Variants in CNTN5 observed in about 807,000 individuals in gnomAD.
CNTN5 encodes contactin-5.
Under a neutral mutation model 129.1 loss-of-function variants are expected in CNTN5, and 77 were observed. The ratio of observed to expected loss-of-function variants is 0.60; its 90% CI spans 0.50 to 0.72. The LOEUF (loss-of-function observed/expected upper bound fraction) is 0.72, where lower values mean the gene tolerates loss of function less well. Ranked by LOEUF, CNTN5 falls within the 30% of genes least tolerant of loss-of-function variation. The pLI, the probability that CNTN5 is intolerant of heterozygous loss-of-function variation, is 0.00. For synonymous variants in CNTN5, 509 were observed against 465.6 expected, an observed-to-expected ratio of 1.09 and a Z score of -1.20; for missense variants, 1,478 against 1,328.8, an observed-to-expected ratio of 1.11 and a Z score of -1.75.
chr11:100,328,838 A>C (rs1201321936), intron 21 of CNTN5, among the ~76,000 whole-genome samples: 2 of 152,236 alleles, frequency 1.3e-5, no homozygotes, highest in Non-Finnish European at 1.5e-5. Flanking sequence ...TCCTGCTCAG[A>C]TGGACAGAGC....
chr11:99,596,891 T>C (rs1565334062), intron 3 of CNTN5, among the ~76,000 whole-genome samples: 1 of 152,192 alleles, frequency 6.6e-6, no homozygotes, highest in East Asian at 1.9e-4. Context: ...CATATAAAAC[T>C]AATATGCTTG....
chr11:99,073,413 G>T (rs1865425724), intron 1 of CNTN5, among the ~76,000 whole-genome samples: 1 of 130,078 alleles, frequency 7.7e-6, no homozygotes, highest in Admixed American at 8.8e-5. Flanking sequence ...TAAGTTCTAG[G>T]ATACCTGTGC....
At chr11:99,654,025 A>G (rs540905615) in intron 3 of CNTN5, among the ~76,000 whole-genome samples, 2 of 152,180 alleles carry the variant, frequency 1.3e-5, no homozygotes, top group Admixed American at 6.6e-5. Context: ...AAACAAAATC[A>G]AAAAAGCCGT....
intron 13 of CNTN5, among the ~76,000 whole-genome samples, chr11:100,170,017 A>T (rs932965808): frequency 2.6e-5 from 4 of 151,940 alleles, no homozygotes; most frequent in African/African-American, 7.2e-5. Context: ...ACTGTATGAA[A>T]ATACTTCCCC....
intron 15 of CNTN5, among the ~76,000 whole-genome samples, chr11:100,196,360 C>T (rs535446827): frequency 7.4e-4 from 112 of 152,060 alleles, no homozygotes; most frequent in Admixed American, 2.9e-3. Flanking sequence ...CAAAATATGA[C>T]TTAATGATGT....
intron 9 of CNTN5, among the ~76,000 whole-genome samples, chr11:100,032,038 T>C (rs1941740286): frequency 6.6e-6 from 1 of 152,210 alleles, no homozygotes; most frequent in African/African-American, 2.4e-5. Context: ...TGTTGCATTG[T>C]GGGCTGCTGG....
intron 1 of CNTN5, among the ~76,000 whole-genome samples, chr11:99,281,605 G>C (rs533513249): frequency 6.6e-6 from 1 of 151,672 alleles, no homozygotes; most frequent in Non-Finnish European, 1.5e-5. Flanking sequence ...TGAAACTCAC[G>C]GTCTTTATAA....
At chr11:99,771,878 A>G (rs1944958128) in intron 3 of CNTN5, among the ~76,000 whole-genome samples, 1 of 151,986 alleles carries the variant, frequency 6.6e-6, no homozygotes, top group Non-Finnish European at 1.5e-5. Flanking sequence ...AAATTCCTAA[A>G]GAAAGGGAAA....
chr11:99,788,438 A>G (rs898429084), intron 3 of CNTN5, among the ~76,000 whole-genome samples: 4 of 151,996 alleles, frequency 2.6e-5, no homozygotes, highest in Non-Finnish European at 4.4e-5. Context: ...TTGTATACCT[A>G]TAGAAACATC....
At chr11:99,809,341 T>C (rs972050097) in intron 3 of CNTN5, among the ~76,000 whole-genome samples, 1 of 152,156 alleles carries the variant, frequency 6.6e-6, no homozygotes, top group African/African-American at 2.4e-5. Context: ...CCTTGAGGTT[T>C]ATTTTTTTTC....
intron 1 of CNTN5, among the ~76,000 whole-genome samples, chr11:99,238,110 T>G (rs1434245255): frequency 1.3e-5 from 2 of 152,324 alleles, no homozygotes; most frequent in African/African-American, 4.8e-5. Flanking sequence ...CAATATATAT[T>G]AGGGAAAGAA....
intron 1 of CNTN5, among the ~76,000 whole-genome samples, chr11:99,207,028 A>AT (rs1351741114): frequency 6.6e-6 from 1 of 152,054 alleles, no homozygotes; most frequent in Non-Finnish European, 1.5e-5. Context: ...GATAAAAATA[A>AT]TTTTTATGGC....
intron 3 of CNTN5, among the ~76,000 whole-genome samples, chr11:99,579,920 A>G (rs7949050): frequency 0.91 from 133,885 of 147,240 alleles, 61,064 homozygotes; most frequent in East Asian, 1. Context: ...GTTTTCAAAG[A>G]GAATGCTTCC....
chr11:99,514,760 G>A lies in CNTN5; in HGVS notation c.-70-41385G>A, dbSNP rs112612670. Reference sequence around the variant, plus strand: ...ATAAAAATAACTTTTATTGCACTGCGAAACCAAAAAGCTAGTGTGACTTGT... The same window carrying A: ...ATAAAAATAACTTTTATTGCACTGCAAAACCAAAAAGCTAGTGTGACTTGT... On this transcript the variant is annotated intron_variant, in intron 2 of 24. Coordinates refer to ENST00000524871, the MANE Select transcript of CNTN5 (RefSeq NM_014361.4). 4.9e-3 allele frequency among the ~76,000 whole-genome samples: 744 copies of A among 152,082 alleles called. 6 individuals are homozygous for A. Among genetic ancestry groups the A allele is most frequent in the African/African-American group, 0.016 (683 of 41,524 alleles).
intron 4 of CNTN5, among the ~76,000 whole-genome samples, chr11:99,839,829 AAAG>A (rs1209495755): frequency 1.3e-5 from 2 of 152,126 alleles, no homozygotes; most frequent in African/African-American, 4.8e-5. Context: ...GTCAAACAAA[AAAG>A]AAGATAAACC....
intron 2 of CNTN5, among the ~76,000 whole-genome samples, chr11:99,485,309 AG>A (rs757276999): frequency 6.6e-5 from 10 of 152,150 alleles, no homozygotes; most frequent in Admixed American, 2.6e-4. Context: ...CAGAGCACAA[AG>A]GATTTTAGGG....
intron 6 of CNTN5, among the ~76,000 whole-genome samples, chr11:99,866,056 C>A (rs898877639): frequency 2.0e-5 from 3 of 152,096 alleles, no homozygotes; most frequent in African/African-American, 7.2e-5. Context: ...TTAACAACAT[C>A]CAGGGTCATG....
At chr11:99,588,639 A>G (rs1192100223) in intron 3 of CNTN5, among the ~76,000 whole-genome samples, 1 of 152,144 alleles carries the variant, frequency 6.6e-6, no homozygotes, top group Non-Finnish European at 1.5e-5. Flanking sequence ...ATTTTATTTA[A>G]TACGTTAAAG....
chr11:99,119,651 G>A (rs11218459), intron 1 of CNTN5, among the ~76,000 whole-genome samples: 11,897 of 151,970 alleles, frequency 0.078, 541 homozygotes, highest in African/African-American at 0.12. Flanking sequence ...CGGTATAAAC[G>A]CAGTTATGGG....
Sources: allele counts gnomAD v4.1 joint callset (sites outside exome capture counted in the v4.1 genomes callset), GRCh38; gene constraint gnomAD v4.1.1; transcripts MANE v1.5; gene names NCBI Gene and HGNC (gene_info 2026-07-23, HGNC 2026-07-21).